Variants in TRAPPC12 observed in about 807,000 individuals in gnomAD.
TRAPPC12 encodes the protein trafficking protein particle complex subunit 12.
Under a neutral mutation model 69.2 loss-of-function variants are expected in TRAPPC12, and 61 were observed. The ratio of observed to expected loss-of-function variants is 0.88; its 90% confidence interval spans 0.72 to 1.09. TRAPPC12 has a LOEUF of 1.09. Among genes scored for constraint, TRAPPC12 ranks in the 50% least tolerant of loss-of-function variants. TRAPPC12 has a pLI of 0.00. For synonymous variants in TRAPPC12, 469 were observed against 438.9 expected (o/e 1.07, Z -0.86); for missense variants, 1,101 against 1,016.4 (o/e 1.08, Z -1.13).
intron 6 of TRAPPC12, among the ~76,000 whole-genome samples, chr2:3,448,971 A>T (rs1259385621): frequency 6.6e-6 from 1 of 152,232 alleles, no homozygotes; most frequent in Non-Finnish European, 1.5e-5. Context: ...TATGGGGCCC[A>T]GTTTTAGCAG....
intron 3 of TRAPPC12, among the ~76,000 whole-genome samples, chr2:3,419,323 ATT>A (rs1662637633): frequency 6.6e-6 from 1 of 152,204 alleles, no homozygotes; most frequent in Non-Finnish European, 1.5e-5. Flanking sequence ...ACTCTTTCAC[ATT>A]TGCAATTCAA....
At chr2:3,384,593 C>G (rs983574762) in intron 1 of TRAPPC12, among the ~76,000 whole-genome samples, 1 of 152,170 alleles carries the variant, frequency 6.6e-6, no homozygotes, top group Non-Finnish European at 1.5e-5. Flanking sequence ...TTTAATCTAT[C>G]GCATTAAACC....
chr2:3,384,955 A>G (rs895507388), intron 1 of TRAPPC12, among the ~76,000 whole-genome samples: 1 of 152,154 alleles, frequency 6.6e-6, no homozygotes, highest in Non-Finnish European at 1.5e-5. Context: ...TCATATATAC[A>G]TGGTTATTAC....
intron 5 of TRAPPC12, among the ~76,000 whole-genome samples, chr2:3,435,052 G>A (rs777034327): frequency 2.0e-5 from 3 of 152,168 alleles, no homozygotes; most frequent in Non-Finnish European, 4.4e-5. Context: ...TCGCTCCGTC[G>A]CCCAGGCTAG....
At chr2:3,439,896 T>TTG (rs1406049114) in intron 5 of TRAPPC12, among the ~76,000 whole-genome samples, 3 of 152,072 alleles carry the variant, frequency 2.0e-5, no homozygotes, top group African/African-American at 7.3e-5. Flanking sequence ...CATTTTTTTT[T>TTG]TTTCATGTGG....
At chr2:3,381,407 T>TA (rs1240707930) in intron 1 of TRAPPC12, among the ~76,000 whole-genome samples, 2 of 152,224 alleles carry the variant, frequency 1.3e-5, no homozygotes, top group Admixed American at 6.5e-5. Context: ...AATACAGAAT[T>TA]ACTTAAATTT....
chr2:3,386,524 A>G (rs1466638776), intron 1 of TRAPPC12, among the ~76,000 whole-genome samples: 1 of 152,204 alleles, frequency 6.6e-6, no homozygotes, highest in Non-Finnish European at 1.5e-5. Flanking sequence ...TCTGAGAATC[A>G]CACAGGCATA....
At chr2:3,432,225 G>A (rs545422326) in intron 5 of TRAPPC12, among the ~76,000 whole-genome samples, 31 of 152,194 alleles carry the variant, frequency 2.0e-4, no homozygotes, top group Admixed American at 3.3e-4. Context: ...CTGTAATGAC[G>A]TCACAGGAAA....
intron 1 of TRAPPC12, among the ~76,000 whole-genome samples, chr2:3,380,282 C>A (rs1558332239): frequency 6.6e-6 from 1 of 152,132 alleles, no homozygotes; most frequent in Non-Finnish European, 1.5e-5. Context: ...AATTCACCCT[C>A]CCGCGGAAAG....
chr2:3,424,357 G>C (rs970643956), intron 4 of TRAPPC12, among the ~76,000 whole-genome samples, 168 bp from the exon 5 acceptor site: 7 of 152,184 alleles, frequency 4.6e-5, no homozygotes, highest in Non-Finnish European at 1.0e-4. Flanking sequence ...CCAGCTTCAA[G>C]AGTAATTTTT....
chr2:3,463,654 C>CT (rs1665637234), intron 8 of TRAPPC12, among the ~76,000 whole-genome samples: 1 of 151,676 alleles, frequency 6.6e-6, no homozygotes, highest in Non-Finnish European at 1.5e-5. Context: ...GCATCGCCCA[C>CT]TAGCAGTGAG....
chr2:3,465,862 G>T, intron 9 of TRAPPC12, 167 bp downstream of exon 9: 1 of 614,772 alleles, frequency 1.6e-6, no homozygotes. Context: ...AGGAGTTCTG[G>T]TTTGACTGTG....
intron 6 of TRAPPC12, among the ~76,000 whole-genome samples, chr2:3,452,783 A>G (rs907578991): frequency 9.9e-5 from 15 of 152,240 alleles, no homozygotes; most frequent in African/African-American, 3.6e-4. Context: ...GAAACCTTTC[A>G]CAGTTTAGTA....
At chr2:3,426,133 T>G (rs1302067355) in intron 5 of TRAPPC12, among the ~76,000 whole-genome samples, 1 of 152,236 alleles carries the variant, frequency 6.6e-6, no homozygotes, top group African/African-American at 2.4e-5. Flanking sequence ...ATAAAGTGTT[T>G]TTTGACCTTT....
chr2:3,468,613 C>A (rs979476651), intron 9 of TRAPPC12, among the ~76,000 whole-genome samples: 1 of 152,080 alleles, frequency 6.6e-6, no homozygotes, highest in Non-Finnish European at 1.5e-5. Flanking sequence ...AGTGTAAGGG[C>A]GGCATTCCCA....
intron 8 of TRAPPC12, chr2:3,462,967 T>G (rs897494088): frequency 2.1e-6 from 1 of 470,976 alleles, no homozygotes; most frequent in Middle Eastern, 3.3e-4. Context: ...CAGAAGTCCT[T>G]GCTGGTTGCA....
chr2:3,439,201 G>A (rs1043355444), intron 5 of TRAPPC12, among the ~76,000 whole-genome samples: 6 of 152,220 alleles, frequency 3.9e-5, no homozygotes, highest in African/African-American at 1.4e-4. Context: ...GACATATGAT[G>A]ATGAGCATCT....
chr2:3,421,735 A>T (rs745660634), intron 3 of TRAPPC12, 146 bp from the exon 4 acceptor site: 2 of 760,826 alleles, frequency 2.6e-6, no homozygotes, highest in Non-Finnish European at 4.7e-6. Context: ...TGCCGTCAGC[A>T]CACTGACGTT....
intron 5 of TRAPPC12, among the ~76,000 whole-genome samples, chr2:3,442,559 T>C (rs1274207820): frequency 1.3e-5 from 2 of 152,208 alleles, no homozygotes; most frequent in South Asian, 2.1e-4. Context: ...ACAGAAATTA[T>C]TTAGTGGCAT....
Sources: allele counts gnomAD v4.1 joint callset (sites outside exome capture counted in the v4.1 genomes callset), GRCh38; gene constraint gnomAD v4.1.1; transcripts MANE v1.5; gene names NCBI Gene and HGNC (gene_info 2026-07-23, HGNC 2026-07-21).